Variants in EMG1 observed in about 807,000 individuals in gnomAD.
EMG1 encodes the protein EMG1 N1-specific pseudouridine methyltransferase.
EMG1 carries 24 observed loss-of-function variants against 26.9 expected under a neutral mutation model. The ratio of observed to expected loss-of-function variants is 0.89; its 90% CI spans 0.65 to 1.26. The LOEUF (loss-of-function observed/expected upper bound fraction) is 1.26. Ranked by LOEUF, EMG1 falls within the 50% of genes most tolerant of loss-of-function variation. The pLI, the probability that EMG1 is intolerant of heterozygous loss-of-function variation, is 0.00. For synonymous variants in EMG1, 140 were observed against 112.6 expected (o/e 1.24, Z -1.54); for missense variants, 299 against 307.6 (o/e 0.97, Z 0.21).
In EMG1 at chr12:6,974,475, C is replaced by T. The variant is rs1555152752; in HGVS notation, c.270+35C>T. On this transcript the variant is annotated intron_variant, in intron 2 of 5. Coordinates refer to ENST00000599672, the MANE Select transcript of EMG1 (RefSeq NM_006331.8). ...GGGACAGTGCTCACAACCCTTTGAG[C>T]CTCTGTATGGAAGGGTTGGCAGCTG... The T allele has an allele frequency of 6.8e-6, 11 of 1,606,672 alleles. No individual in the cohort carries two copies. In the South Asian group the frequency reaches 1.2e-4, roughly 18 times the overall value.
rs782634098 is a variant in EMG1, at chr12:6,978,248, C to T, written c.*2439C>T. The T allele has an allele frequency of 6.3e-5, 90 of 1,427,412 alleles. No homozygotes were observed. Among genetic ancestry groups the T allele is most frequent in the Middle Eastern group, 2.6e-4 (1 of 3,854 alleles). 88.4% of individuals were successfully genotyped at this position (1,427,412 alleles called of 1,614,324 possible). On this transcript the variant is annotated 3_prime_UTR_variant, in exon 6 of 6. Transcript: ENST00000599672. ...GGGGGTTCTGCCCAGATGGGAAAGA[C>T]GCATAGGGGTGACATGGTACACCCC...
intron 7 of EMG1, among the ~76,000 whole-genome samples, chr12:6,995,334 C>T (rs1946627608): frequency 6.6e-6 from 1 of 151,912 alleles, no homozygotes; most frequent in Non-Finnish European, 1.5e-5. Context: ...ATTAGCCGGG[C>T]GTGGTGGTGC....
chr12:6,982,047 A>C, downstream of EMG1: 1 of 620,150 alleles, frequency 1.6e-6, no homozygotes, highest in African/African-American at 1.8e-5. Context: ...AGGTGCTGAA[A>C]ACCTGTAATG....
chr12:6,974,317 C>A (rs200644475), intron 1 of EMG1, 22 bp from the exon 2 acceptor site: 1 of 1,555,632 alleles, frequency 6.4e-7, no homozygotes, highest in African/African-American at 1.4e-5. Context: ...GCTGTTCTCT[C>A]GTCATGTTCC....
chr12:6,983,470 TG>T (rs782123931), downstream of EMG1: 1 of 1,612,774 alleles, frequency 6.2e-7, no homozygotes, highest in Non-Finnish European at 8.5e-7. Context: ...TGTAAAGGTA[TG>T]GAAGAGGTGG....
Position 6,975,741 on chromosome 12 carries a change from C to G in EMG1, c.667C>G (p.Pro223Ala). 8 of 1,613,614 alleles carry G rather than the reference C, an allele frequency of 5.0e-6. No individual in the cohort carries two copies. The highest frequency in any genetic ancestry group is 1.1e-5 in the South Asian group (1 of 91,080). ...GAAGATGGTGTCCATCAGTAACTACCCCCTTTCTGCTGCCCTCACCTGTGC... is the reference window on the plus strand; with the variant it reads ...GAAGATGGTGTCCATCAGTAACTACGCCCTTTCTGCTGCCCTCACCTGTGC... Reference protein sequence around the residue: ...TEKMVSISNYPLSAALTCAKL... With the variant: ...TEKMVSISNYALSAALTCAKL... The change falls in exon 6 of 6, where the codon CCC becomes GCC. Residue 223 changes from proline (P) to alanine (A), a missense_variant. Coordinates refer to ENST00000599672, the MANE Select transcript of EMG1 (RefSeq NM_006331.8).
chr12:6,990,230 C>G (rs147621854), downstream of EMG1, among the ~76,000 whole-genome samples: 63 of 150,256 alleles, frequency 4.2e-4, no homozygotes, highest in African/African-American at 1.4e-3. Flanking sequence ...AAAATATAAG[C>G]GGGGCACGGT....
At chr12:6,997,036 T>C (rs2138349312) in intron 7 of EMG1, among the ~76,000 whole-genome samples, 1 of 152,120 alleles carries the variant, frequency 6.6e-6, no homozygotes, top group African/African-American at 2.4e-5. Context: ...TGACTAGGTG[T>C]AGGAGAAGGA....
intron 1 of EMG1, among the ~76,000 whole-genome samples, chr12:6,973,223 A>C (rs1030294291): frequency 6.6e-6 from 1 of 152,014 alleles, no homozygotes; most frequent in Admixed American, 6.6e-5. Context: ...GCTGGAGTGC[A>C]GTGGTACAGT....
chr12:6,983,356 C>G (rs1474157289), downstream of EMG1: 6 of 960,326 alleles, frequency 6.2e-6, no homozygotes, highest in Non-Finnish European at 8.2e-6. Context: ...TAGATTCTCT[C>G]AAGGAAATTT....
rs186431301 is a variant in EMG1, at chr12:6,973,086, C to T, written c.169-1253C>T. ...AATTCCTGGGCTCAAGTGATCCTTC[C>T]ACCTCGGCCTCCTAAAGTGTTGGGA... On this transcript the variant is annotated intron_variant, in intron 1 of 5. Transcript: ENST00000599672. Among the ~76,000 whole-genome samples the T allele has an allele frequency of 9.2e-5, 14 of 151,784 alleles. No homozygotes were observed. The East Asian group carries it at 2.5e-3, about 27-fold the overall frequency.
At chr12:6,996,065 C>G (rs993452648) in intron 7 of EMG1, among the ~76,000 whole-genome samples, 2 of 152,168 alleles carry the variant, frequency 1.3e-5, no homozygotes, top group Non-Finnish European at 1.5e-5. Flanking sequence ...TATTCTCACT[C>G]AGATCAAAAG....
chr12:6,975,184 C>T, intron 4 of EMG1, 36 bp downstream of exon 4: 1 of 1,613,908 alleles, frequency 6.2e-7, no homozygotes, highest in South Asian at 1.1e-5. Flanking sequence ...AAGGCTGGTT[C>T]TGGGAATGTT....
chr12:6,970,978 G>A lies in EMG1; in HGVS notation c.55G>A (p.Ala19Thr), dbSNP rs369617092. 6.2e-7 allele frequency: 1 copy of A among 1,612,728 alleles called. No homozygotes were observed. Among genetic ancestry groups the A allele is most frequent in the African/African-American group, 1.3e-5 (1 of 74,898 alleles). Residue 19 changes from alanine to threonine, a missense_variant, in exon 1 of 6, where the codon GCA becomes ACA. Physicochemically the swap from Ala to Thr is moderately conservative, Grantham distance 58. Coordinates refer to ENST00000599672, the MANE Select transcript of EMG1 (RefSeq NM_006331.8). ...TCGTGAACGAAGCGGTGGGGAGCAGGCACAGGACTGGGATGCTCTGCCACC... is the reference window on the plus strand; with the variant it reads ...TCGTGAACGAAGCGGTGGGGAGCAGACACAGGACTGGGATGCTCTGCCACC... The part of the protein sequence containing the change: ...KPRERSGGEQ[A>T]QDWDALPPKR...
At chr12:6,986,964 ATTAG>A (rs1946533734) in intron 6 of EMG1, among the ~76,000 whole-genome samples, 1 of 151,862 alleles carries the variant, frequency 6.6e-6, no homozygotes, top group South Asian at 2.1e-4. Context: ...AAATACAAAA[ATTAG>A]TTAGGCGTGG....
chr12:6,991,368 C>T (rs1555155488), downstream of EMG1, among the ~76,000 whole-genome samples: 1 of 152,224 alleles, frequency 6.6e-6, no homozygotes, highest in Non-Finnish European at 1.5e-5. Context: ...GCTTCTCTTG[C>T]ACTTTGAATG....
rs1009743350 is a variant in EMG1 at position 6,976,979 on chromosome 12, C to T, written c.*1170C>T. ...CTTCCAGATGTTTCCTAGCATGCCT[C>T]AATAAGTCACAGTAGTCATTGCCCA... On this transcript the variant is annotated 3_prime_UTR_variant, in exon 6 of 6. Transcript: ENST00000599672. 4 of 615,676 alleles carry T rather than the reference C, an allele frequency of 6.5e-6. No homozygotes were observed. Among genetic ancestry groups the T allele is most frequent in the Non-Finnish European group, 1.2e-5 (4 of 341,840 alleles). The allele number at this position is 615,676 out of a possible 1,614,324, so 38.1% of individuals were successfully genotyped here. A position where few individuals can be genotyped will look rare whatever the true frequency, so the allele number is the denominator to read the frequency against.
In EMG1 at chr12:6,979,430, T is replaced by A; in HGVS notation, c.*3621T>A. 1 of 1,424,124 alleles carries A rather than the reference T, an allele frequency of 7.0e-7. No homozygotes were observed. Among genetic ancestry groups the A allele is most frequent in the Non-Finnish European group, 9.9e-7 (1 of 1,007,558 alleles). The allele number at this position is 1,424,124 out of a possible 1,614,324, so 88.2% of individuals were successfully genotyped here. On this transcript the variant is annotated 3_prime_UTR_variant, in exon 6 of 6. Transcript: ENST00000599672. ...GATCCTTGCCTGTCCATTTTCTAGCTCTGGTGCAGTCATGCTGCTGCTGCT... is the reference window on the plus strand; with the variant it reads ...GATCCTTGCCTGTCCATTTTCTAGCACTGGTGCAGTCATGCTGCTGCTGCT...
intron 3 of EMG1, 101 bp from the exon 4 acceptor site, chr12:6,974,989 C>T: frequency 4.2e-6 from 5 of 1,197,394 alleles, no homozygotes; most frequent in Non-Finnish European, 6.2e-6. Flanking sequence ...ATATAAAGCA[C>T]ACAGGGAACT....
Sources: allele counts gnomAD v4.1 joint callset (sites outside exome capture counted in the v4.1 genomes callset), GRCh38; gene constraint gnomAD v4.1.1; transcripts MANE v1.5; gene names NCBI Gene and HGNC (gene_info 2026-07-23, HGNC 2026-07-21).